NKAIN2: variants seen among roughly 807,000 people sequenced by gnomAD.
NKAIN2 encodes the protein sodium/potassium-transporting ATPase subunit beta-1-interacting protein 2.
NKAIN2 carries 14 observed loss-of-function variants against 32.6 expected under a neutral mutation model. The ratio of observed to expected loss-of-function variants is 0.43; its 90% CI spans 0.28 to 0.67. The LOEUF (loss-of-function observed/expected upper bound fraction) is 0.67. Ranked by LOEUF, NKAIN2 falls within the 30% of genes least tolerant of loss-of-function variation. The pLI, the probability that NKAIN2 is intolerant of heterozygous loss-of-function variation, is 0.17. For synonymous variants in NKAIN2, 80 were observed against 87.2 expected (o/e 0.92, Z 0.46); for missense variants, 198 against 258.3 (o/e 0.77, Z 1.60).
intron 3 of NKAIN2, among the ~76,000 whole-genome samples, chr6:124,408,913 A>G (rs1316356160): frequency 1.3e-5 from 2 of 152,168 alleles, no homozygotes; most frequent in East Asian, 1.9e-4. Context: ...GGTCTTTCAC[A>G]TCCCTTGTAA....
At chr6:124,101,659 C>T (rs1784896624) in intron 1 of NKAIN2, among the ~76,000 whole-genome samples, 1 of 151,882 alleles carries the variant, frequency 6.6e-6, no homozygotes, top group African/African-American at 2.4e-5. Context: ...TGTGATACAC[C>T]TAAAGTATGT....
At chr6:124,418,507 TA>T (rs1166389133) in intron 3 of NKAIN2, among the ~76,000 whole-genome samples, 12 of 147,866 alleles carry the variant, frequency 8.1e-5, no homozygotes, top group Non-Finnish European at 1.5e-4. Flanking sequence ...ATATATAGTT[TA>T]TATATGATAT....
intron 1 of NKAIN2, among the ~76,000 whole-genome samples, chr6:124,099,127 A>G (rs1784769852): frequency 6.6e-6 from 1 of 152,168 alleles, no homozygotes; most frequent in African/African-American, 2.4e-5. Context: ...TGCTATGTTG[A>G]AGAAAATATA....
At chr6:123,933,043 T>A (rs904882141) in intron 1 of NKAIN2, among the ~76,000 whole-genome samples, 6 of 152,164 alleles carry the variant, frequency 3.9e-5, no homozygotes, top group African/African-American at 1.4e-4. Flanking sequence ...GTTACCAACA[T>A]CAGCAATTCT....
intron 1 of NKAIN2, 84 bp downstream of exon 1, chr6:123,804,338 C>CTCT: frequency 8.9e-7 from 1 of 1,123,048 alleles, no homozygotes; most frequent in Non-Finnish European, 1.4e-6. Context: ...CTGCCATTGA[C>CTCT]TAGAATGGAC....
At chr6:123,854,766 TG>T (rs942196231) in intron 1 of NKAIN2, among the ~76,000 whole-genome samples, 6 of 152,028 alleles carry the variant, frequency 3.9e-5, no homozygotes, top group African/African-American at 1.4e-4. Context: ...GTCTGGAGGG[TG>T]GGTGCCCTCA....
intron 1 of NKAIN2, among the ~76,000 whole-genome samples, chr6:123,969,321 G>A (rs1267051414): frequency 6.6e-6 from 1 of 152,170 alleles, no homozygotes; most frequent in Non-Finnish European, 1.5e-5. Context: ...TAAGGATGGA[G>A]TTAAAAAGGT....
At chr6:123,946,588 T>C (rs1777074845) in intron 1 of NKAIN2, among the ~76,000 whole-genome samples, 1 of 152,140 alleles carries the variant, frequency 6.6e-6, no homozygotes, top group Non-Finnish European at 1.5e-5. Context: ...TATCATTGAT[T>C]GTATTACACA....
chr6:124,083,332 T>C (rs1204698178), intron 1 of NKAIN2, among the ~76,000 whole-genome samples: 2 of 151,954 alleles, frequency 1.3e-5, no homozygotes, highest in Non-Finnish European at 2.9e-5. Context: ...GAGTGCCTGA[T>C]ACACAATAAT....
chr6:124,517,308 G>C (rs993580404), intron 3 of NKAIN2, among the ~76,000 whole-genome samples: 11 of 152,124 alleles, frequency 7.2e-5, no homozygotes, highest in African/African-American at 2.7e-4. Flanking sequence ...TAAAACCATT[G>C]TTAGGGCAGA....
chr6:124,272,034 G>A (rs1794817861), intron 1 of NKAIN2, among the ~76,000 whole-genome samples: 1 of 152,114 alleles, frequency 6.6e-6, no homozygotes, highest in Non-Finnish European at 1.5e-5. Context: ...GTTTGGAATT[G>A]GAACTTACAT....
At chr6:124,802,878 G>C (rs1453011078) in intron 5 of NKAIN2, among the ~76,000 whole-genome samples, 1 of 152,108 alleles carries the variant, frequency 6.6e-6, no homozygotes, top group African/African-American at 2.4e-5. Context: ...TCTATCTCCA[G>C]AATTAGCAAA....
chr6:123,813,246 C>T (rs893697367), intron 1 of NKAIN2, among the ~76,000 whole-genome samples: 3 of 152,136 alleles, frequency 2.0e-5, no homozygotes, highest in African/African-American at 4.8e-5. Flanking sequence ...CTGATTGTCC[C>T]GGGATTGAGC....
At chr6:124,739,678 A>G (rs1315767368) in intron 4 of NKAIN2, among the ~76,000 whole-genome samples, 1 of 151,838 alleles carries the variant, frequency 6.6e-6, no homozygotes, top group East Asian at 1.9e-4. Context: ...ACACATCTTG[A>G]AAAAGGGAGA....
intron 1 of NKAIN2, among the ~76,000 whole-genome samples, chr6:124,094,399 A>G (rs1187826999): frequency 6.6e-6 from 1 of 152,136 alleles, no homozygotes; most frequent in African/African-American, 2.4e-5. Context: ...ATGACCTAGT[A>G]ACTATTTCTC....
At chr6:124,464,695 T>C (rs1245801743) in intron 3 of NKAIN2, among the ~76,000 whole-genome samples, 1 of 152,124 alleles carries the variant, frequency 6.6e-6, no homozygotes, top group Non-Finnish European at 1.5e-5. Context: ...GCGTTATTTC[T>C]GAGGCCTCTG....
intron 3 of NKAIN2, among the ~76,000 whole-genome samples, chr6:124,364,248 A>AG (rs1799419394): frequency 1.5e-5 from 1 of 65,234 alleles, no homozygotes. Context: ...AAAAAAAAAA[A>AG]AAAGAGAGAA....
chr6:124,712,739 T>C (rs1343443910), intron 4 of NKAIN2, among the ~76,000 whole-genome samples: 1 of 151,686 alleles, frequency 6.6e-6, no homozygotes, highest in Non-Finnish European at 1.5e-5. Context: ...GTACCTCAGA[T>C]GGAAATGCAG....
At chr6:124,583,229 CA>C (rs60708814) in intron 3 of NKAIN2, among the ~76,000 whole-genome samples, 12,663 of 141,228 alleles carry the variant, frequency 0.09, 694 homozygotes, top group East Asian at 0.29. Flanking sequence ...AAGACTCCAC[CA>C]AAAAAAAAAA....
Sources: allele counts gnomAD v4.1 joint callset (sites outside exome capture counted in the v4.1 genomes callset), GRCh38; gene constraint gnomAD v4.1.1; transcripts MANE v1.5; gene names NCBI Gene and HGNC (gene_info 2026-07-23, HGNC 2026-07-21).